Variants in ADCY2 observed in about 807,000 individuals in gnomAD.
The protein encoded by ADCY2 is adenylate cyclase 2, also known as adenylate cyclase type 2.
In ADCY2, 31 loss-of-function variants were observed where a neutral mutation model predicts 125.2. That is an observed-to-expected ratio of 0.25 (90% CI 0.19 to 0.33). The LOEUF (loss-of-function observed/expected upper bound fraction) is 0.33, where lower values mean the gene tolerates loss of function less well. Ranked by LOEUF, ADCY2 falls within the 10% of genes least tolerant of loss-of-function variation. The pLI is 1.00. For synonymous variants in ADCY2, 512 were observed against 548.4 expected (o/e 0.93, Z 0.93); for missense variants, 904 against 1,418.2 (o/e 0.64, Z 5.82).
intron 17 of ADCY2, among the ~76,000 whole-genome samples, chr5:7,767,055 T>A (rs1340410324): frequency 6.6e-6 from 1 of 152,194 alleles, no homozygotes. Flanking sequence ...TTCCTTCTTC[T>A]CTTAACCACT....
intron 12 of ADCY2, among the ~76,000 whole-genome samples, chr5:7,723,502 T>C (rs769117154): frequency 6.6e-6 from 1 of 152,186 alleles, no homozygotes; most frequent in African/African-American, 2.4e-5. Flanking sequence ...GTACAATGCA[T>C]ACTTCCATAT....
At chr5:7,611,822 A>AT (rs1027596432) in intron 3 of ADCY2, among the ~76,000 whole-genome samples, 1 of 152,150 alleles carries the variant, frequency 6.6e-6, no homozygotes, top group African/African-American at 2.4e-5. Context: ...TAAGTGTGTA[A>AT]TTTTTTATAA....
At chr5:7,547,816 C>A (rs1735196720) in intron 3 of ADCY2, among the ~76,000 whole-genome samples, 1 of 152,230 alleles carries the variant, frequency 6.6e-6, no homozygotes, top group Non-Finnish European at 1.5e-5. Flanking sequence ...CTCACCATGT[C>A]AGACTTCTTG....
chr5:7,696,277 ACC>A (rs1740889098), intron 6 of ADCY2, among the ~76,000 whole-genome samples: 1 of 152,104 alleles, frequency 6.6e-6, no homozygotes, highest in African/African-American at 2.4e-5. Context: ...GTTAAGCAGG[ACC>A]CTGGAAGAGT....
chr5:7,554,664 G>C (rs1000260771), intron 3 of ADCY2, among the ~76,000 whole-genome samples: 3 of 152,048 alleles, frequency 2.0e-5, no homozygotes, highest in African/African-American at 7.2e-5. Context: ...GTGTTGTTTT[G>C]TTTTAAGTTC....
Position 7,709,370 on chromosome 5 carries a change from G to C in ADCY2, c.1561G>C (p.Gly521Arg). Reference protein sequence around the residue: ...HHRDSMTTENGKISTTDVPMG... With the variant: ...HHRDSMTTENRKISTTDVPMG... Reference sequence around the variant, plus strand: ...CAGGGACAGCATGACCACAGAGAACGGCAAGATCAGCACCACGGTATGCCC... The same window carrying C: ...CAGGGACAGCATGACCACAGAGAACCGCAAGATCAGCACCACGGTATGCCC... Residue 521 changes from glycine to arginine, a missense_variant, in exon 10 of 25, where the codon GGC becomes CGC. Gly to Arg is a moderately radical substitution (Grantham distance 125). Around this residue, in one of 7 missense-constraint regions of ADCY2, gnomAD observed 144 missense variants for 227.7 expected, o/e 0.63. Transcript: ENST00000338316. The surrounding 1 kb of genome is among the most constrained non-coding windows in gnomAD (Gnocchi z 4.4). 1 of 1,604,256 alleles carries C rather than the reference G, an allele frequency of 6.2e-7. No homozygotes were observed. The highest frequency in any genetic ancestry group is 8.5e-7 in the Non-Finnish European group (1 of 1,175,534).
At chr5:7,444,406 C>T (rs1045963458) in intron 2 of ADCY2, among the ~76,000 whole-genome samples, 6 of 152,016 alleles carry the variant, frequency 3.9e-5, no homozygotes, top group East Asian at 1.9e-4. Flanking sequence ...TGAGCCACCG[C>T]GCCGGGGCTG....
intron 4 of ADCY2, among the ~76,000 whole-genome samples, chr5:7,642,726 A>T (rs1458966458): frequency 2.0e-5 from 3 of 152,174 alleles, no homozygotes; most frequent in African/African-American, 7.2e-5. Context: ...AAAAGATCAG[A>T]TCATGTACAA....
intron 4 of ADCY2, among the ~76,000 whole-genome samples, chr5:7,667,208 G>A (rs868742052): frequency 2.0e-5 from 3 of 152,282 alleles, no homozygotes; most frequent in Middle Eastern, 3.4e-3. Context: ...ATGAGGGAAA[G>A]TGCAAGAGTA....
rs186949138 is a variant in ADCY2, at chr5:7,688,668, A to G, written c.721-2023A>G. On this transcript the variant is annotated intron_variant, in intron 4 of 24. Transcript: ENST00000338316. The stretch of plus-strand genomic sequence containing the variant: ...GGATATTACATACTTTGTATGTAAT[A>G]TTTTGGCCTCACACCCAATTATTCC... Among the ~76,000 whole-genome samples, 18 of 152,282 alleles carry G rather than the reference A, an allele frequency of 1.2e-4. No individual in the cohort carries two copies. The East Asian group carries it at 2.7e-3, about 23-fold the overall frequency.
chr5:7,681,336 G>T (rs967362600), intron 4 of ADCY2, among the ~76,000 whole-genome samples: 1 of 152,154 alleles, frequency 6.6e-6, no homozygotes, highest in Admixed American at 6.5e-5. Context: ...TTGAAGACAG[G>T]CACAATATTT....
At chr5:7,494,876 A>G (rs933797932) in intron 2 of ADCY2, among the ~76,000 whole-genome samples, 3 of 152,194 alleles carry the variant, frequency 2.0e-5, no homozygotes, top group Admixed American at 2.0e-4. Context: ...GACAGTGGAA[A>G]GGGTGTTGTA....
intron 3 of ADCY2, among the ~76,000 whole-genome samples, chr5:7,600,750 G>A (rs539465342): frequency 6.6e-6 from 1 of 152,194 alleles, no homozygotes; most frequent in Non-Finnish European, 1.5e-5. Context: ...GGTCTGGTGG[G>A]TAAATTCAGA....
At chr5:7,529,869 C>T (rs1734587212) in intron 3 of ADCY2, among the ~76,000 whole-genome samples, 1 of 152,290 alleles carries the variant, frequency 6.6e-6, no homozygotes, top group Admixed American at 6.5e-5. Context: ...TTCTGACAGC[C>T]GTTTCAGTTC....
chr5:7,536,588 ATTAG>A (rs1734821245), intron 3 of ADCY2, among the ~76,000 whole-genome samples: 1 of 152,222 alleles, frequency 6.6e-6, no homozygotes, highest in African/African-American at 2.4e-5. Context: ...ATCATTGCAA[ATTAG>A]TTTCCCAACA....
intron 17 of ADCY2, among the ~76,000 whole-genome samples, chr5:7,767,729 A>G (rs1169859873): frequency 6.6e-6 from 1 of 151,962 alleles, no homozygotes; most frequent in Non-Finnish European, 1.5e-5. Context: ...AGCTCCATGC[A>G]CAGATAGAAG....
chr5:7,481,146 T>C (rs555498296), intron 2 of ADCY2, among the ~76,000 whole-genome samples: 2 of 152,326 alleles, frequency 1.3e-5, no homozygotes, highest in African/African-American at 4.8e-5. Flanking sequence ...CCAGCATCTG[T>C]TATTTCCTCT....
chr5:7,765,142 C>T (rs1743339758), intron 16 of ADCY2, among the ~76,000 whole-genome samples: 1 of 152,118 alleles, frequency 6.6e-6, no homozygotes, highest in Non-Finnish European at 1.5e-5. Flanking sequence ...GAATGCAACA[C>T]TTCATTTTAC....
intron 2 of ADCY2, among the ~76,000 whole-genome samples, chr5:7,460,408 C>T (rs1741873434): frequency 1.3e-5 from 2 of 152,080 alleles, no homozygotes; most frequent in Admixed American, 6.5e-5. Flanking sequence ...ATCTTTTATA[C>T]AGTGATAAAA....
Sources: allele counts gnomAD v4.1 joint callset (sites outside exome capture counted in the v4.1 genomes callset), GRCh38; gene constraint gnomAD v4.1.1; regional missense constraint gnomAD v4.1.1; non-coding constraint Gnocchi (gnomAD v3.1); transcripts MANE v1.5; gene names NCBI Gene and HGNC (gene_info 2026-07-23, HGNC 2026-07-21).